The following RBMS2 variants were observed in gnomAD, a reference collection of about 807,000 sequenced individuals.
RBMS2 encodes RNA-binding motif, single-stranded-interacting protein 2.
Under a neutral mutation model 58.4 loss-of-function variants are expected in RBMS2, and 38 were observed. That is an observed-to-expected ratio of 0.65 (90% CI 0.50 to 0.85). The LOEUF is 0.85. Among genes scored for constraint, RBMS2 ranks in the 40% least tolerant of loss-of-function variants. The probability of loss-of-function intolerance (pLI) is 0.00; values close to 1 mark genes in which losing one functional copy is unlikely to be tolerated. For missense variants in RBMS2, 367 were observed against 503.7 expected, an observed-to-expected ratio of 0.73 and a Z score of 2.60; for synonymous variants, 151 against 180.7, an observed-to-expected ratio of 0.84 and a Z score of 1.32.
At chr12:56,567,487 G>T (rs1350438915) in intron 2 of RBMS2, among the ~76,000 whole-genome samples, 1 of 151,828 alleles carries the variant, frequency 6.6e-6, no homozygotes, top group African/African-American at 2.4e-5. Context: ...AAGAAGAAAG[G>T]ATATGCAGCC....
intron 1 of RBMS2, among the ~76,000 whole-genome samples, chr12:56,530,309 G>T (rs1211779831): frequency 6.9e-6 from 1 of 145,566 alleles, no homozygotes; most frequent in Non-Finnish European, 1.5e-5. Context: ...ATAAAAGCTA[G>T]AAGAGGATAG....
chr12:56,539,169 C>T (rs1283675814), intron 1 of RBMS2, among the ~76,000 whole-genome samples: 2 of 152,022 alleles, frequency 1.3e-5, no homozygotes, highest in Non-Finnish European at 2.9e-5. Flanking sequence ...GTGCACACCA[C>T]CACGCCCAGC....
chr12:56,558,876 A>G (rs1879824374), intron 1 of RBMS2, among the ~76,000 whole-genome samples: 2 of 151,792 alleles, frequency 1.3e-5, no homozygotes, highest in Admixed American at 1.3e-4. Context: ...CTGGGATTAC[A>G]GGCTTAAGCC....
chr12:56,544,793 C>T (rs2657890), intron 1 of RBMS2, among the ~76,000 whole-genome samples: 73,667 of 132,630 alleles, frequency 0.56, 22,130 homozygotes, highest in East Asian at 0.73. Context: ...GGGACTTTGC[C>T]GTGTTGCCCA....
chr12:56,553,609 T>C (rs369981815), intron 1 of RBMS2, among the ~76,000 whole-genome samples: 2 of 152,136 alleles, frequency 1.3e-5, no homozygotes. Flanking sequence ...ATTACAAGCA[T>C]GAGCCACTGC....
intron 4 of RBMS2, among the ~76,000 whole-genome samples, chr12:56,571,063 T>C (rs1882218491): frequency 6.6e-6 from 1 of 152,206 alleles, no homozygotes; most frequent in Non-Finnish European, 1.5e-5. Context: ...AATACAACTA[T>C]TGGATGATAT....
intron 1 of RBMS2, among the ~76,000 whole-genome samples, chr12:56,522,479 C>T (rs1871887146): frequency 1.3e-5 from 2 of 152,116 alleles, no homozygotes; most frequent in South Asian, 4.1e-4. Flanking sequence ...TTAACTGTTT[C>T]CATTCTCTCC....
chr12:56,588,472 T>A, intron 12 of RBMS2, 98 bp downstream of exon 12: 2 of 1,146,982 alleles, frequency 1.7e-6, no homozygotes, highest in Non-Finnish European at 2.6e-6. Flanking sequence ...ATGCTGATTC[T>A]GTGTTCACAA....
intron 2 of RBMS2, among the ~76,000 whole-genome samples, chr12:56,567,127 G>A (rs1277537100): frequency 3.3e-5 from 5 of 152,178 alleles, no homozygotes; most frequent in Admixed American, 1.3e-4. Context: ...GCTCATGCCT[G>A]TAATCCCAGC....
intron 2 of RBMS2, among the ~76,000 whole-genome samples, chr12:56,563,663 C>A (rs936854123): frequency 6.6e-6 from 1 of 152,042 alleles, no homozygotes; most frequent in East Asian, 1.9e-4. Flanking sequence ...TTGGGCCGGG[C>A]GTGGTGGCTC....
At chr12:56,577,035 C>CAA (rs60298708) in intron 5 of RBMS2, among the ~76,000 whole-genome samples, 1,669 of 63,536 alleles carry the variant, frequency 0.026, 57 homozygotes, top group African/African-American at 0.086. Flanking sequence ...AGTGAGATTC[C>CAA]AAAAAAAAAA....
intron 5 of RBMS2, chr12:56,580,229 C>CTT: frequency 2.8e-6 from 1 of 355,794 alleles, no homozygotes; most frequent in Admixed American, 3.4e-5. Flanking sequence ...CTGAGCCTGG[C>CTT]CTTTTTTTTT....
At chr12:56,560,925 C>T (rs1880275174) in intron 1 of RBMS2, among the ~76,000 whole-genome samples, 1 of 152,106 alleles carries the variant, frequency 6.6e-6, no homozygotes. Flanking sequence ...CACCCTCCAC[C>T]CTCAGACAGA....
upstream of RBMS2, chr12:56,521,786 A>G (rs541470148): frequency 1.3e-4 from 69 of 512,708 alleles, no homozygotes; most frequent in African/African-American, 1.3e-3. Flanking sequence ...CCTCATTCAG[A>G]CTCTGTTAAC....
At chr12:56,567,518 T>C (rs1881576034) in intron 2 of RBMS2, among the ~76,000 whole-genome samples, 1 of 151,804 alleles carries the variant, frequency 6.6e-6, no homozygotes. Flanking sequence ...ATCACCAAAA[T>C]TTAGATGGTT....
chr12:56,521,298 T>C (rs1871688260), upstream of RBMS2, among the ~76,000 whole-genome samples: 2 of 151,796 alleles, frequency 1.3e-5, no homozygotes, highest in African/African-American at 4.8e-5. Context: ...GGTGTGGTGG[T>C]GGTCACCTGT....
chr12:56,524,781 G>A (rs1291092036), intron 1 of RBMS2, among the ~76,000 whole-genome samples: 3 of 151,928 alleles, frequency 2.0e-5, no homozygotes, highest in Admixed American at 6.6e-5. Context: ...ATGCAGTGGC[G>A]TGATTTCGGC....
At chr12:56,542,794 C>G (rs1182789676) in intron 1 of RBMS2, among the ~76,000 whole-genome samples, 1 of 152,034 alleles carries the variant, frequency 6.6e-6, no homozygotes, top group Non-Finnish European at 1.5e-5. Flanking sequence ...AAGCAGTCCT[C>G]CCATCTCTGT....
At chr12:56,588,750 A>G in intron 12 of RBMS2, 182 bp from the exon 13 acceptor site, 3 of 646,502 alleles carry the variant, frequency 4.6e-6, no homozygotes, top group Non-Finnish European at 8.3e-6. Flanking sequence ...GCGTCTTGGG[A>G]AGAGGACAGG....
Sources: allele counts gnomAD v4.1 joint callset (sites outside exome capture counted in the v4.1 genomes callset), GRCh38; gene constraint gnomAD v4.1.1; transcripts MANE v1.5; gene names NCBI Gene and HGNC (gene_info 2026-07-23, HGNC 2026-07-21).